The following METTL9 variants were observed in gnomAD, a reference collection of about 807,000 sequenced individuals.
The protein encoded by METTL9 is protein-L-histidine N-pros-methyltransferase.
METTL9 carries 10 observed loss-of-function variants against 36.0 expected under a neutral mutation model. That is an observed-to-expected ratio of 0.28 (90% CI 0.17 to 0.47). The LOEUF is 0.47. Among genes scored for constraint, METTL9 ranks in the 20% least tolerant of loss-of-function variants. The pLI, the probability that METTL9 is intolerant of heterozygous loss-of-function variation, is 0.99. For synonymous variants in METTL9, 175 were observed against 149.7 expected (o/e 1.17, Z -1.23); for missense variants, 246 against 383.5 (o/e 0.64, Z 3.00).
intron 3 of METTL9, among the ~76,000 whole-genome samples, chr16:21,619,030 C>T (rs1001704599): frequency 1.1e-4 from 16 of 152,136 alleles, no homozygotes; most frequent in Non-Finnish European, 2.9e-5. Context: ...TGATAATTCG[C>T]TGTATGCATG....
upstream of METTL9, chr16:21,598,091 C>CT (rs1486599526): frequency 6.6e-6 from 1 of 152,334 alleles, no homozygotes; most frequent in Admixed American, 6.5e-5. Context: ...TGGCTCACGC[C>CT]TGTAATCCCA....
intron 4 of METTL9, chr16:21,626,869 A>T: frequency 1.2e-6 from 1 of 832,580 alleles, no homozygotes; most frequent in Non-Finnish European, 1.4e-6. Flanking sequence ...ATAGCAGGAG[A>T]TGAAAGAGCA....
intron 4 of METTL9, among the ~76,000 whole-genome samples, chr16:21,651,140 G>A (rs1044058633): frequency 6.6e-6 from 1 of 152,036 alleles, no homozygotes; most frequent in Non-Finnish European, 1.5e-5. Flanking sequence ...GGAGAATGGC[G>A]TGAACCCGGG....
chr16:21,625,224 T>C (rs1965792015), intron 4 of METTL9, 109 bp downstream of exon 4: 2 of 1,241,008 alleles, frequency 1.6e-6, no homozygotes, highest in African/African-American at 1.5e-5. Flanking sequence ...TATAATAGCC[T>C]GCAGTTTAAA....
intron 4 of METTL9, chr16:21,644,349 C>T (rs188280590): frequency 5.0e-6 from 8 of 1,613,978 alleles, no homozygotes; most frequent in Non-Finnish European, 6.8e-6. Flanking sequence ...AGCAGTGATA[C>T]AAGAGCTGTC....
chr16:21,647,123 G>A (rs140742307), intron 4 of METTL9: 3 of 1,613,984 alleles, frequency 1.9e-6, no homozygotes, highest in African/African-American at 1.3e-5. Flanking sequence ...ATAAAGCCTC[G>A]CTGACTGACC....
At chr16:21,618,213 C>A in intron 3 of METTL9, 139 bp downstream of exon 3, 1 of 735,404 alleles carries the variant, frequency 1.4e-6, no homozygotes, top group Non-Finnish European at 2.1e-6. Flanking sequence ...GAGAAATAAT[C>A]TTCTGGTAGC....
At chr16:21,626,292 A>G (rs887819627) in intron 4 of METTL9, among the ~76,000 whole-genome samples, 3 of 152,220 alleles carry the variant, frequency 2.0e-5, no homozygotes, top group African/African-American at 4.8e-5. Context: ...GAAGAAATCT[A>G]TTAGGATTTT....
Position 21,623,101 on chromosome 16 carries a change from G to A in METTL9, c.567-1830G>A, listed in dbSNP as rs545200990. ...GGAAACTCTTGGAATGAGCTAAATT[G>A]AATTTCCAAAATTGCTATTACAGTT... is the stretch of plus-strand genomic sequence containing the variant. On this transcript the variant is annotated intron_variant, in intron 3 of 4. Transcript: ENST00000358154. 3.5e-3 allele frequency among the ~76,000 whole-genome samples: 528 copies of A among 152,192 alleles called. 4 individuals carry two copies. Among genetic ancestry groups the A allele is most frequent in the Non-Finnish European group, 6.1e-3 (413 of 67,976 alleles).
At chr16:21,629,362 G>C (rs368876961) in intron 4 of METTL9, among the ~76,000 whole-genome samples, 5 of 152,148 alleles carry the variant, frequency 3.3e-5, no homozygotes, top group African/African-American at 1.2e-4. Flanking sequence ...GAGAGACCTT[G>C]CTTCTCTCTA....
chr16:21,631,321 T>G (rs931986919), intron 4 of METTL9, among the ~76,000 whole-genome samples: 1 of 152,328 alleles, frequency 6.6e-6, no homozygotes, highest in Admixed American at 6.5e-5. Context: ...TTTACACTGT[T>G]AACTTTTAGC....
chr16:21,615,539 A>G (rs1330097579), intron 2 of METTL9, among the ~76,000 whole-genome samples: 1 of 152,120 alleles, frequency 6.6e-6, no homozygotes, highest in East Asian at 1.9e-4. Flanking sequence ...TCTAGTGCCT[A>G]TAAATGTAGA....
intron 3 of METTL9, among the ~76,000 whole-genome samples, chr16:21,623,462 C>CT (rs763483282): frequency 3.9e-5 from 6 of 152,040 alleles, no homozygotes; most frequent in Non-Finnish European, 7.4e-5. Flanking sequence ...ACCAAAGATC[C>CT]TTTTTTTATG....
intron 4 of METTL9, chr16:21,647,088 G>T: frequency 6.2e-7 from 1 of 1,613,256 alleles, no homozygotes; most frequent in South Asian, 1.1e-5. Flanking sequence ...TTACAGGCCT[G>T]AACAAGATGC....
intron 2 of METTL9, among the ~76,000 whole-genome samples, chr16:21,614,643 G>T (rs1965509738): frequency 6.6e-6 from 1 of 151,960 alleles, no homozygotes; most frequent in Non-Finnish European, 1.5e-5. Flanking sequence ...TACTACAGGT[G>T]GCCATCTCTC....
At chr16:21,605,561 A>G (rs910046604) in intron 1 of METTL9, among the ~76,000 whole-genome samples, 1 of 151,932 alleles carries the variant, frequency 6.6e-6, no homozygotes, top group Non-Finnish European at 1.5e-5. Flanking sequence ...TGCCTTCTGA[A>G]TAGGAAACTG....
chr16:21,641,724 G>A (rs538012389), intron 4 of METTL9: 22 of 487,370 alleles, frequency 4.5e-5, no homozygotes, highest in Non-Finnish European at 7.7e-5. Flanking sequence ...AATCTTAAAG[G>A]CCAGATTACC....
At chr16:21,617,276 G>A (rs549177623) in intron 2 of METTL9, among the ~76,000 whole-genome samples, 10 of 151,906 alleles carry the variant, frequency 6.6e-5, no homozygotes, top group Non-Finnish European at 1.5e-4. Flanking sequence ...AAATTAGTCA[G>A]GTGTGGTGGC....
chr16:21,645,253 C>T (rs1010161388), intron 4 of METTL9, among the ~76,000 whole-genome samples: 2 of 152,070 alleles, frequency 1.3e-5, no homozygotes, highest in African/African-American at 4.8e-5. Context: ...AGGAGTTTGA[C>T]ACCAGCCTGG....
Sources: gnomAD v4.1 joint callset for allele counts (sites outside exome capture counted in the v4.1 genomes callset) on GRCh38, gnomAD v4.1.1 for gene constraint, MANE v1.5 for transcripts, NCBI Gene and HGNC (gene_info 2026-07-23, HGNC 2026-07-21) for gene names.